DUOX1: variants seen among roughly 807,000 people sequenced by gnomAD.
DUOX1 encodes the protein NADPH thyroid oxidase 1.
A neutral mutation model predicts 181.8 loss-of-function variants in DUOX1; 134 were observed. The ratio of observed to expected loss-of-function variants is 0.74; its 90% confidence interval spans 0.64 to 0.85. The LOEUF (loss-of-function observed/expected upper bound fraction) is 0.85, where lower values mean the gene tolerates loss of function less well. Among genes scored for constraint, DUOX1 ranks in the 40% least tolerant of loss-of-function variants. DUOX1 has a pLI of 0.00. For synonymous variants in DUOX1, 798 were observed against 832.5 expected (o/e 0.96, Z 0.71); for missense variants, 1,814 against 2,064.4 (o/e 0.88, Z 2.35).
At chr15:45,142,229 TAGG>T in intron 15 of DUOX1, 117 bp downstream of exon 15, 1 of 1,214,378 alleles carries the variant, frequency 8.2e-7, no homozygotes. Flanking sequence ...TCCCTTTGGG[TAGG>T]AGAATGAAAC....
intron 1 of DUOX1, among the ~76,000 whole-genome samples, chr15:45,131,018 A>T (rs1896120307): frequency 6.6e-6 from 1 of 152,182 alleles, no homozygotes; most frequent in South Asian, 2.1e-4. Context: ...TTTTCATTTA[A>T]TAGGAGATGG....
At position 45,141,394 on chromosome 15, in the gene DUOX1, C is replaced by G. The variant is rs1430390221; in HGVS notation, c.1668C>G (p.Val556=). 1.2e-6 allele frequency: 2 copies of G among 1,614,130 alleles called. No homozygotes were observed. Among genetic ancestry groups the G allele is most frequent in the Non-Finnish European group, 1.7e-6 (2 of 1,180,062 alleles). Residue 556 remains valine (V), a synonymous_variant, in exon 14 of 34, where the codon GTC becomes GTG. Coordinates refer to ENST00000389037, the MANE Select transcript of DUOX1 (RefSeq NM_175940.3). ...NIDPSALQPN[V]FVWHKGDPCP... is the part of the protein sequence containing the mutation. ...ACCCCAGTGCTCTGCAGCCCAATGT[C>G]TTTGTCTGGCATAAAGGTGAGTGGC...
intron 11 of DUOX1, 80 bp from the exon 12 acceptor site, chr15:45,139,347 T>C: frequency 6.3e-7 from 1 of 1,588,588 alleles, no homozygotes; most frequent in Non-Finnish European, 8.6e-7. Flanking sequence ...CTCCTGGGGC[T>C]GGTTGGAGCT....
intron 30 of DUOX1, 114 bp from the exon 31 acceptor site, chr15:45,162,105 A>C: frequency 2.8e-6 from 4 of 1,441,068 alleles, no homozygotes; most frequent in Non-Finnish European, 3.8e-6. Flanking sequence ...AATGCCACAA[A>C]TCCTCCTCTT....
rs773522367 is a variant in DUOX1 at position 45,143,255 on chromosome 15, C to T, written c.1888C>T (p.Gln630Ter). ...GAGAAATTTCAAGAGGCTCCAGGGC[C>T]AGGACCGCCAGAGCATCGTGTCTGA... ...RMRNFKRLQG[Q>*]DRQSIVSEKL... Residue 630 changes from glutamine (Q) to a stop codon, truncating the protein, a stop_gained, in exon 16 of 34, where the codon CAG becomes TAG. Transcript: ENST00000389037. LOFTEE classifies it high-confidence loss of function. 11 of 1,614,134 alleles carry T rather than the reference C, an allele frequency of 6.8e-6. No homozygotes were observed. Among genetic ancestry groups the T allele is most frequent in the Admixed American group, 5.0e-5 (3 of 60,022 alleles).
In DUOX1 at chr15:45,134,253, G is replaced by A. The variant is rs1420919636; in HGVS notation, c.251G>A (p.Arg84Lys). 6.3e-7 allele frequency: 1 copy of A among 1,595,200 alleles called. No homozygotes were observed. The highest frequency in any genetic ancestry group is 1.4e-5 in the African/African-American group (1 of 73,508). Reference sequence around the variant, plus strand: ...CGAGACCTTAGCAACACCATCTCAAGGGGCCCTGCAGGGCTGGCCTCCCTG... The same window carrying A: ...CGAGACCTTAGCAACACCATCTCAAAGGGCCCTGCAGGGCTGGCCTCCCTG... The part of the protein sequence containing the change: ...NPRDLSNTIS[R>K]GPAGLASLRN... Residue 84 changes from arginine (R) to lysine (K), a missense_variant, in exon 4 of 34, where the codon AGG becomes AAG. Coordinates refer to ENST00000389037, the MANE Select transcript of DUOX1 (RefSeq NM_175940.3).
At chr15:45,155,759 A>G in intron 27 of DUOX1, 43 bp from the exon 28 acceptor site, 18 of 1,612,044 alleles carry the variant, frequency 1.1e-5, no homozygotes, top group Non-Finnish European at 1.5e-5. Context: ...GTTCCCTTTC[A>G]AGGCACTGAT....
In DUOX1 at chr15:45,146,547, T is replaced by C. The variant is rs563964007; in HGVS notation, c.2323-886T>C. ...CAGAACATTTTCAACACAACCACTT[T>C]TGTTGATCTCGCAATAAACCTGTGA... On this transcript the variant is annotated intron_variant, in intron 18 of 33. Transcript: ENST00000389037. Among the ~76,000 whole-genome samples, 5 of 151,452 alleles carry C rather than the reference T, an allele frequency of 3.3e-5. No homozygotes were observed. The South Asian group carries it at 8.4e-4, about 25-fold the overall frequency.
intron 10 of DUOX1, 95 bp downstream of exon 10, chr15:45,138,109 TGCATG>T: frequency 5.4e-6 from 5 of 931,684 alleles, no homozygotes; most frequent in South Asian, 2.6e-5. Flanking sequence ...TGTGTGTGAG[TGCATG>T]GTGAAAGTGG....
chr15:45,136,401 G>C lies in DUOX1; in HGVS notation c.916G>C (p.Glu306Gln), dbSNP rs774718763. Residue 306 changes from glutamate (E) to glutamine (Q), a missense_variant, in exon 8 of 34, where the codon GAG becomes CAG. By Grantham distance (29) the Glu-to-Gln change is conservative (BLOSUM62 2). Coordinates refer to ENST00000389037, the MANE Select transcript of DUOX1 (RefSeq NM_175940.3). ...CAGCTTCCTGCAGAAAACACTCCCG[G>C]AGTATACAGGTGAGGGAGCGGGGAA... The part of the protein sequence containing the change: ...LPSFLQKTLP[E>Q]YTGYRPFLDP... 2 of 1,614,022 alleles carry C rather than the reference G, an allele frequency of 1.2e-6. No individual in the cohort carries two copies. The highest frequency in any genetic ancestry group is 1.3e-5 in the African/African-American group (1 of 74,914).
Position 45,157,102 on chromosome 15 carries a change from GC to G in DUOX1, c.3702+1175del, listed in dbSNP as rs543617579. On this transcript the variant is annotated intron_variant, in intron 28 of 33. Transcript: ENST00000389037. ...CAGGTTGGCTCCTGCCATCTGACCT[GC>G]CTTCTCTCAGGTGCAGTTCTGTCCT... 7.4e-4 allele frequency among the ~76,000 whole-genome samples: 112 copies of G among 152,358 alleles called. 2 individuals are homozygous for G. The highest frequency in any genetic ancestry group is 2.7e-3 in the African/African-American group (111 of 41,582).
rs1035324257 is a variant in DUOX1 at position 45,163,049 on chromosome 15, T to C, written c.4249-483T>C. On this transcript the variant is annotated intron_variant, in intron 31 of 33. Coordinates refer to ENST00000389037, the MANE Select transcript of DUOX1 (RefSeq NM_175940.3). ...TCCTCTGCCCTCTGCTTCTTAACTA[T>C]ACAGCCCCGCTTTCCTCCCTCGGAA... is the stretch of plus-strand genomic sequence containing the variant. Among the ~76,000 whole-genome samples the C allele has an allele frequency of 4.6e-5, 7 of 152,328 alleles. No individual in the cohort carries two copies. The South Asian group carries it at 1.0e-3, about 23-fold the overall frequency.
chr15:45,154,595 G>GTTT (rs1193223968), intron 27 of DUOX1, among the ~76,000 whole-genome samples: 18,784 of 139,530 alleles, frequency 0.13, 1,323 homozygotes, highest in East Asian at 0.38. Flanking sequence ...ACACAGCATG[G>GTTT]TTTTTTTTTT....
chr15:45,142,453 C>A (rs776407841), intron 15 of DUOX1, among the ~76,000 whole-genome samples: 36 of 152,094 alleles, frequency 2.4e-4, no homozygotes, highest in Non-Finnish European at 4.4e-4. Context: ...AGACGGGGCG[C>A]GGTGGCTCAT....
chr15:45,152,158 G>C, intron 24 of DUOX1, 106 bp downstream of exon 24: 1 of 1,488,934 alleles, frequency 6.7e-7, no homozygotes, highest in Non-Finnish European at 9.1e-7. Context: ...GGTAAGTGGA[G>C]CCTGTCTGAG....
At chr15:45,138,122 T>C in intron 10 of DUOX1, 108 bp downstream of exon 10, 1 of 794,764 alleles carries the variant, frequency 1.3e-6, no homozygotes, top group Non-Finnish European at 1.8e-6. Flanking sequence ...ATGGTGAAAG[T>C]GGTCAGTAAG....
Position 45,152,208 on chromosome 15 carries a change from G to A in DUOX1, c.3194-78G>A, listed in dbSNP as rs1220657143. 2.2e-5 allele frequency: 32 copies of A among 1,487,330 alleles called. No individual in the cohort carries two copies. In the East Asian group the frequency reaches 5.3e-4, roughly 25 times the overall value. 92.1% of individuals were successfully genotyped at this position (1,487,330 alleles called of 1,614,324 possible). ...GGGAGGCCTGTTGTGAGTGGCAGCC[G>A]GCCAGGGCCTACCGCCCCTAACCAG... On this transcript the variant is annotated intron_variant, in intron 24 of 33. Transcript: ENST00000389037.
rs780404176 is a variant in DUOX1 at position 45,136,651 on chromosome 15, G to T, written c.1022+26G>T. On this transcript the variant is annotated intron_variant, in intron 9 of 33. Coordinates refer to ENST00000389037, the MANE Select transcript of DUOX1 (RefSeq NM_175940.3). The stretch of plus-strand genomic sequence containing the variant: ...GTGAGGGAGGGGCTCAAAGGTGTGT[G>T]TGCTGGGAGGGATGGGGCTGTCAAC... The T allele has an allele frequency of 2.5e-6, 4 of 1,610,070 alleles. No homozygotes were observed. The East Asian group carries it at 6.7e-5, about 27-fold the overall frequency.
chr15:45,139,624 G>A (rs1389815302), intron 12 of DUOX1, 25 bp downstream of exon 12: 1 of 1,531,584 alleles, frequency 6.5e-7, no homozygotes, highest in Admixed American at 2.2e-5. Flanking sequence ...GGACCCAGAG[G>A]GTAGGGCGGG....
Sources: gnomAD v4.1 joint callset for allele counts (sites outside exome capture counted in the v4.1 genomes callset) on GRCh38, gnomAD v4.1.1 for gene constraint, MANE v1.5 for transcripts, NCBI Gene and HGNC (gene_info 2026-07-23, HGNC 2026-07-21) for gene names.